STRA8: variants seen among roughly 807,000 people sequenced by gnomAD.
The protein encoded by STRA8 is stimulated by retinoic acid 8.
Under a neutral mutation model 37.1 loss-of-function variants are expected in STRA8, and 18 were observed. The observed-to-expected ratio is 0.48, with a 90% CI of 0.34 to 0.72. STRA8 has a LOEUF of 0.72. Among genes scored for constraint, STRA8 ranks in the 30% least tolerant of loss-of-function variants. The pLI is 0.01. For synonymous variants in STRA8, 168 were observed against 162.9 expected (o/e 1.03, Z -0.24); for missense variants, 357 against 410.4 (o/e 0.87, Z 1.13).
chr7:135,249,442 G>C (rs912849289), intron 6 of STRA8, among the ~76,000 whole-genome samples: 7 of 152,112 alleles, frequency 4.6e-5, no homozygotes, highest in Admixed American at 3.3e-4. Context: ...AAATTAGCTG[G>C]GCGTGGTGGC....
At position 135,240,472 on chromosome 7, in the gene STRA8, A is replaced by G. The variant is rs924502087; in HGVS notation, c.-6-47A>G. On this transcript the variant is annotated intron_variant, in intron 1 of 8. Coordinates refer to ENST00000662584, the MANE Select transcript of STRA8 (RefSeq NM_001394401.1). ...TGCCTTCCTTTTCCTTTAATATTGT[A>G]TTTTTATTATCTAGGGCAAAAAAAA... 2.6e-6 allele frequency: 4 copies of G among 1,565,054 alleles called. No homozygotes were observed. In the African/African-American group the frequency reaches 5.6e-5, roughly 22 times the overall value.
chr7:135,245,383 A>C lies in STRA8; in HGVS notation c.449A>C (p.Glu150Ala). ...GCTGAGGAGGAGGAAGATGAGGAAG[A>C]GGAAGATCAAGAAGAAGAGGAGGAG... ...KDAEEEEDEE[E>A]EDQEEEEEEE... Residue 150 changes from glutamate to alanine, a missense_variant, in exon 5 of 9, where the codon GAG becomes GCG. Physicochemically the swap from Glu to Ala is moderately radical, Grantham distance 107 (BLOSUM62 -1). Coordinates refer to ENST00000662584, the MANE Select transcript of STRA8 (RefSeq NM_001394401.1). 1 of 777,112 alleles carries C rather than the reference A, an allele frequency of 1.3e-6. No homozygotes were observed. Among genetic ancestry groups the C allele is most frequent in the Non-Finnish European group, 2.4e-6 (1 of 416,924 alleles). 48.1% of individuals were successfully genotyped at this position (777,112 alleles called of 1,614,324 possible). A position where few individuals can be genotyped will look rare whatever the true frequency, so the allele number is the denominator to read the frequency against.
At position 135,248,249 on chromosome 7, in the gene STRA8, T is replaced by C. The variant is rs1832593217; in HGVS notation, c.879+1547T>C. Among the ~76,000 whole-genome samples, 3 of 152,256 alleles carry C rather than the reference T, an allele frequency of 2.0e-5. No homozygotes were observed. The South Asian group carries it at 6.2e-4, about 31-fold the overall frequency. On this transcript the variant is annotated intron_variant, in intron 6 of 8. Coordinates refer to ENST00000662584, the MANE Select transcript of STRA8 (RefSeq NM_001394401.1). ...TCCAGTTTGCAGGCCTAACCAGCAG[T>C]GTGACTTGCCCAGAACTCCCAGCTC...
Position 135,245,296 on chromosome 7 carries a change from C to CTGT in STRA8, c.362_363insTGT (p.Ser121_Asn122insVal). ...TCTGTTTTCTTTCCCAGCCTGCTTT[C>CTGT]AAACAGTTTTCCTCAGAATGGTTCC... On this transcript the variant is annotated inframe_insertion, in exon 5 of 9. Transcript: ENST00000662584. The CTGT allele has an allele frequency of 1.3e-6, 1 of 780,992 alleles. No homozygotes were observed. The highest frequency in any genetic ancestry group is 2.4e-5 in the East Asian group (1 of 41,248). 48.4% of individuals were successfully genotyped at this position (780,992 alleles called of 1,614,324 possible).
At chr7:135,255,276 C>A in intron 8 of STRA8, 51 bp downstream of exon 8, 1 of 1,427,766 alleles carries the variant, frequency 7.0e-7, no homozygotes, top group Non-Finnish European at 9.8e-7. Flanking sequence ...GCTTAGATAG[C>A]AAAAAGGGCT....
intron 2 of STRA8, 93 bp from the exon 3 acceptor site, chr7:135,242,688 G>C: frequency 8.7e-7 from 1 of 1,149,400 alleles, no homozygotes; most frequent in Non-Finnish European, 1.3e-6. Context: ...CTGAGGGAGC[G>C]TGGCCTCAGC....
At chr7:135,235,300 T>C (rs1832354444) in intron 1 of STRA8, among the ~76,000 whole-genome samples, 1 of 152,198 alleles carries the variant, frequency 6.6e-6, no homozygotes, top group South Asian at 2.1e-4. Flanking sequence ...CAGTAAACAT[T>C]TGTTCATAAA....
rs1192575700 is a variant in STRA8 at position 135,255,137 on chromosome 7, C to T, written c.977C>T (p.Pro326Leu). Reference sequence around the variant, plus strand: ...AGTTCAGTGCTTGCCAGCTGCAACCCAGAAAACCCAGAGGAGAAGTTTCAG... The same window carrying T: ...AGTTCAGTGCTTGCCAGCTGCAACCTAGAAAACCCAGAGGAGAAGTTTCAG... Reference protein sequence around the residue: ...SSSSVLASCNPENPEEKFQLY... With the variant: ...SSSSVLASCNLENPEEKFQLY... The change falls in exon 8 of 9, where the codon CCA becomes CTA. Residue 326 changes from proline to leucine, a missense_variant. Transcript: ENST00000662584. 6.2e-7 allele frequency: 1 copy of T among 1,613,824 alleles called. No homozygotes were observed. The highest frequency in any genetic ancestry group is 8.5e-7 in the Non-Finnish European group (1 of 1,179,910).
chr7:135,242,274 T>C (rs1832478928), intron 2 of STRA8, among the ~76,000 whole-genome samples: 2 of 151,154 alleles, frequency 1.3e-5, no homozygotes. Context: ...GAGGGAAATT[T>C]AGAGTTCAGG....
At chr7:135,242,121 AGTT>A (rs1832474715) in intron 2 of STRA8, among the ~76,000 whole-genome samples, 1 of 135,050 alleles carries the variant, frequency 7.4e-6, no homozygotes, top group African/African-American at 2.7e-5. Context: ...GAAAAAAGGA[AGTT>A]GGAAGGGAGG....
intron 2 of STRA8, among the ~76,000 whole-genome samples, chr7:135,241,184 G>A (rs542991741): frequency 1.3e-5 from 2 of 152,144 alleles, no homozygotes; most frequent in Non-Finnish European, 2.9e-5. Context: ...CTACGAACAA[G>A]CCCAAGATGC....
At chr7:135,232,063 C>T (rs1159627892), upstream of STRA8, 3 of 1,611,018 alleles carry the variant, frequency 1.9e-6, no homozygotes, top group Admixed American at 5.0e-5. Flanking sequence ...TAGTAACTTT[C>T]CCCCCAGGAC....
intron 2 of STRA8, among the ~76,000 whole-genome samples, chr7:135,241,480 C>G (rs540701954): frequency 6.6e-6 from 1 of 152,308 alleles, no homozygotes; most frequent in East Asian, 1.9e-4. Flanking sequence ...CCTCCATGCC[C>G]ACCCCACACT....
intron 1 of STRA8, among the ~76,000 whole-genome samples, chr7:135,239,052 G>A (rs1483259845): frequency 6.6e-6 from 1 of 152,230 alleles, no homozygotes; most frequent in Non-Finnish European, 1.5e-5. Context: ...GGGAAGACCA[G>A]ATTATTGATG....
intron 3 of STRA8, among the ~76,000 whole-genome samples, 200 bp from the exon 4 acceptor site, chr7:135,243,126 G>A (rs553161980): frequency 2.0e-5 from 3 of 152,230 alleles, no homozygotes; most frequent in Admixed American, 2.0e-4. Context: ...CATCTTCAGA[G>A]GCCAGAGGAA....
chr7:135,246,489 G>A lies in STRA8; in HGVS notation c.666G>A (p.Ala222=). The change falls in exon 6 of 9, where the codon GCG becomes GCA. Residue 222 remains alanine, a synonymous_variant. Coordinates refer to ENST00000662584, the MANE Select transcript of STRA8 (RefSeq NM_001394401.1). This position sits in a 1 kb window ranked among gnomAD's most constrained non-coding sequence, Gnocchi z 5.4. ...GSGIITPQEA[A]LPIVSAAISH... ...GGATCATTACCCCGCAGGAGGCGGC[G>A]CTGCCCATCGTCTCCGCGGCCATCT... The A allele has an allele frequency of 6.3e-7, 1 of 1,582,480 alleles. No individual in the cohort carries two copies. Among genetic ancestry groups the A allele is most frequent in the Non-Finnish European group, 8.6e-7 (1 of 1,163,764 alleles).
intron 7 of STRA8, among the ~76,000 whole-genome samples, chr7:135,253,235 T>C (rs1454840706): frequency 5.3e-5 from 8 of 152,194 alleles, no homozygotes; most frequent in Non-Finnish European, 2.9e-5. Context: ...CGCCTGGCTC[T>C]GGGGCCTGTT....
At chr7:135,234,199 C>T (rs144518046) in intron 1 of STRA8, among the ~76,000 whole-genome samples, 2,258 of 152,070 alleles carry the variant, frequency 0.015, 54 homozygotes, top group African/African-American at 0.052. Flanking sequence ...CTCCGCCTCC[C>T]GGGTTCAAGC....
intron 1 of STRA8, among the ~76,000 whole-genome samples, chr7:135,234,113 A>G (rs1294700213): frequency 6.6e-6 from 1 of 150,948 alleles, no homozygotes; most frequent in African/African-American, 2.4e-5. Context: ...GATTATTATT[A>G]TTATCATTTT....
Sources: allele counts gnomAD v4.1 joint callset (sites outside exome capture counted in the v4.1 genomes callset), GRCh38; gene constraint gnomAD v4.1.1; non-coding constraint Gnocchi (gnomAD v3.1); transcripts MANE v1.5; gene names NCBI Gene and HGNC (gene_info 2026-07-23, HGNC 2026-07-21).